NOTCH2NLR: variants seen among roughly 807,000 people sequenced by gnomAD.
The protein encoded by NOTCH2NLR is notch 2 N-terminal like R.
In NOTCH2NLR, 33 loss-of-function variants were observed where a neutral mutation model predicts 35.6. That is an observed-to-expected ratio of 0.93 (90% CI 0.70 to 1.24). The LOEUF is 1.24. NOTCH2NLR is among the 50% of genes most tolerant of loss of function. The pLI, the probability that NOTCH2NLR is intolerant of heterozygous loss-of-function variation, is 0.00. For missense variants in NOTCH2NLR, 276 were observed against 362.2 expected (o/e 0.76, Z 1.93); for synonymous variants, 103 against 141.0 (o/e 0.73, Z 1.91).
chr1:120,758,234 A>G (rs1328718383), intron 1 of NOTCH2NLR, among the ~76,000 whole-genome samples: 1 of 121,178 alleles, frequency 8.3e-6, no homozygotes, highest in Non-Finnish European at 1.6e-5. Flanking sequence ...CCAGCATGGG[A>G]GCCTAGACTG....
chr1:120,779,457 C>G (rs1651337676), intron 2 of NOTCH2NLR, among the ~76,000 whole-genome samples: 1 of 115,946 alleles, frequency 8.6e-6, no homozygotes, highest in African/African-American at 4.2e-5. Flanking sequence ...TATGTTCTTT[C>G]AGAGTTCAAT....
chr1:120,768,748 TCTGATATAAGTTA>T (rs1651223360), intron 2 of NOTCH2NLR, among the ~76,000 whole-genome samples: 3 of 86,948 alleles, frequency 3.5e-5, no homozygotes, highest in African/African-American at 8.5e-5. Flanking sequence ...AGAGGGCTAG[TCTGATATAAGTTA>T]CTCTGCAATT....
intron 1 of NOTCH2NLR, among the ~76,000 whole-genome samples, chr1:120,752,550 ATATATTTTT>A (rs1281607915): frequency 4.1e-4 from 4 of 9,860 alleles, no homozygotes; most frequent in East Asian, 4.5e-3. Flanking sequence ...ATATATATAT[ATATATTTTT>A]TTTTTTTTTT....
intron 2 of NOTCH2NLR, among the ~76,000 whole-genome samples, chr1:120,764,298 T>C (rs1260075044): frequency 1.9e-5 from 2 of 105,956 alleles, no homozygotes; most frequent in African/African-American, 1.2e-4. Flanking sequence ...TTCCCTTGTG[T>C]TTTTCAGATT....
intron 2 of NOTCH2NLR, among the ~76,000 whole-genome samples, chr1:120,770,449 G>T (rs1480514571): frequency 8.9e-6 from 1 of 112,732 alleles, no homozygotes; most frequent in Non-Finnish European, 1.7e-5. Context: ...GATTACAGGC[G>T]TGAGCCACCA....
intron 2 of NOTCH2NLR, among the ~76,000 whole-genome samples, chr1:120,778,540 C>A (rs1651325063): frequency 3.6e-5 from 2 of 56,002 alleles, no homozygotes; most frequent in Admixed American, 1.9e-4. Context: ...CTCTCTTTTT[C>A]TTCTTGTATG....
Position 120,785,060 on chromosome 1 carries a change from C to A in NOTCH2NLR, c.242C>A (p.Ala81Asp), listed in dbSNP as rs1651405935. ...TGCCAGAATGGTGGGACTTGTGTGG[C>A]CCAGGCCATGCTGGGGAAAGCCACG... Residue 81 changes from alanine to aspartate, a missense_variant, in exon 3 of 5, where the codon GCC becomes GAC. By Grantham distance (126) the Ala-to-Asp change is moderately radical (BLOSUM62 -2). Coordinates refer to ENST00000624419, the Ensembl canonical transcript of NOTCH2NLR. 1.4e-6 allele frequency: 2 copies of A among 1,445,710 alleles called. 1 individual carries two copies. The highest frequency in any genetic ancestry group is 1.8e-6 in the Non-Finnish European group (2 of 1,082,084). 89.6% of individuals were successfully genotyped at this position (1,445,710 alleles called of 1,614,324 possible). A position where few individuals can be genotyped will look rare whatever the true frequency, so the allele number is the denominator to read the frequency against.
intron 2 of NOTCH2NLR, among the ~76,000 whole-genome samples, chr1:120,782,779 G>A: frequency 9.8e-6 from 1 of 101,802 alleles, no homozygotes; most frequent in East Asian, 2.4e-4. Flanking sequence ...TTTTTATTAT[G>A]TGGGCATATG....
At chr1:120,781,857 T>TTGATATTCAAACAGGAGCAGCA in intron 2 of NOTCH2NLR, among the ~76,000 whole-genome samples, 1 of 116,794 alleles carries the variant, frequency 8.6e-6, no homozygotes, top group East Asian at 2.1e-4. Flanking sequence ...CGCACCTGGC[T>TTGATATTCAAACAGGAGCAGCA]TAGCTGTAAA....
At position 120,768,003 on chromosome 1, in the gene NOTCH2NLR, G is replaced by A. The variant is rs1651212090; in HGVS notation, c.155+4294G>A. On this transcript the variant is annotated intron_variant, in intron 2 of 4. Transcript: ENST00000624419. The stretch of plus-strand genomic sequence containing the variant: ...TATGACTTCCCTTTACTTTACACAT[G>A]TATGGTAGTTTTACATTACTTACTG... Among the ~76,000 whole-genome samples the A allele has an allele frequency of 1.8e-5, 2 of 113,846 alleles. 1 individual carries two copies. Among genetic ancestry groups the A allele is most frequent in the African/African-American group, 1.1e-4 (2 of 18,924 alleles). 74.7% of individuals were successfully genotyped at this position (113,846 alleles called of 152,430 possible).
rs1367982310 is a variant in NOTCH2NLR, at chr1:120,737,512, A to T, written c.73+13262A>T. ...ATTTTTCCACTATGCTCAGTACTCA[A>T]ATTATGTATCAATATGTCGGCCCTT... On this transcript the variant is annotated intron_variant, in intron 1 of 4. Coordinates refer to ENST00000624419, the Ensembl canonical transcript of NOTCH2NLR. 1.5e-4 allele frequency among the ~76,000 whole-genome samples: 6 copies of T among 38,710 alleles called. No individual in the cohort carries two copies. The East Asian group carries it at 3.4e-3, about 22-fold the overall frequency. The allele number at this position is 38,710 out of a possible 152,430, so 25.4% of individuals were successfully genotyped here.
At chr1:120,757,848 TACTC>T (rs1358197077) in intron 1 of NOTCH2NLR, among the ~76,000 whole-genome samples, 1 of 28,180 alleles carries the variant, frequency 3.5e-5, no homozygotes, top group Non-Finnish European at 6.3e-5. Flanking sequence ...TTGCTTCAAA[TACTC>T]AGAAAAGACG....
intron 1 of NOTCH2NLR, among the ~76,000 whole-genome samples, chr1:120,752,672 G>A (rs1482360616): frequency 2.3e-5 from 1 of 43,494 alleles, no homozygotes; most frequent in Non-Finnish European, 3.6e-5. Flanking sequence ...CCGGGTTCAT[G>A]CCATTCTCCT....
chr1:120,765,695 G>A (rs1350838853), intron 2 of NOTCH2NLR, among the ~76,000 whole-genome samples: 2 of 106,396 alleles, frequency 1.9e-5, no homozygotes, highest in South Asian at 2.8e-4. Context: ...GTTTACTGCA[G>A]CACTATTTAC....
intron 3 of NOTCH2NLR, among the ~76,000 whole-genome samples, chr1:120,790,276 A>C (rs1292106205): frequency 1.8e-5 from 2 of 109,564 alleles, no homozygotes; most frequent in Non-Finnish European, 3.4e-5. Flanking sequence ...GGCCTCCCAA[A>C]GTGCTGGGAT....
Position 120,724,315 on chromosome 1 carries a change from C to A in NOTCH2NLR, c.73+65C>A, listed in dbSNP as rs1276846996. On this transcript the variant is annotated intron_variant, in intron 1 of 4. Coordinates refer to ENST00000624419, the Ensembl canonical transcript of NOTCH2NLR. ...GGCTGCCACCTGGGGCGACCCTTCT[C>A]CCCCTCAGTCCTTCTCTGTGTGGGA... is the stretch of plus-strand genomic sequence containing the variant. 4 of 1,360,908 alleles carry A rather than the reference C, an allele frequency of 2.9e-6. 1 individual carries two copies. 84.3% of individuals were successfully genotyped at this position (1,360,908 alleles called of 1,614,324 possible).
chr1:120,765,723 A>G (rs1651183771), intron 2 of NOTCH2NLR, among the ~76,000 whole-genome samples: 1 of 116,058 alleles, frequency 8.6e-6, no homozygotes, highest in African/African-American at 4.0e-5. Flanking sequence ...AAGACTTGGA[A>G]CCAACCCAAA....
rs1651108567 is a variant in NOTCH2NLR, at chr1:120,759,268, T to TA, written c.74-4360_74-4359insA. Among the ~76,000 whole-genome samples the TA allele has an allele frequency of 6.1e-5, 3 of 48,806 alleles. No homozygotes were observed. The East Asian group carries it at 1.2e-3, about 20-fold the overall frequency. 32.0% of individuals were successfully genotyped at this position (48,806 alleles called of 152,430 possible). On this transcript the variant is annotated intron_variant, in intron 1 of 4. Transcript: ENST00000624419. The stretch of plus-strand genomic sequence containing the variant: ...ATTGAAATCTACTACTTCTTTTTGC[T>TA]TTTTTTTTTTTTTTTTTTTTTTGGT...
chr1:120,784,531 C>A (rs1439978312), intron 2 of NOTCH2NLR, among the ~76,000 whole-genome samples: 2 of 117,194 alleles, frequency 1.7e-5, no homozygotes, highest in Admixed American at 8.1e-5. Flanking sequence ...ATTACTCTCA[C>A]CTTATTTAGG....
Sources: allele counts gnomAD v4.1 joint callset (sites outside exome capture counted in the v4.1 genomes callset), GRCh38; gene constraint gnomAD v4.1.1; transcripts MANE v1.5; gene names NCBI Gene and HGNC (gene_info 2026-07-23, HGNC 2026-07-21).